Variants in ULK4 observed in about 807,000 individuals in gnomAD.
ULK4 encodes the protein inactive serine/threonine-protein kinase ULK4.
Under a neutral mutation model 160.6 loss-of-function variants are expected in ULK4, and 133 were observed. The observed-to-expected ratio is 0.83, with a 90% CI of 0.72 to 0.96. ULK4 has a LOEUF of 0.96. Ranked by LOEUF, ULK4 falls within the 40% of genes least tolerant of loss-of-function variation. The pLI is 0.00. For synonymous variants in ULK4, 534 were observed against 539.8 expected, an observed-to-expected ratio of 0.99 and a Z score of 0.15; for missense variants, 1,580 against 1,499.5, an observed-to-expected ratio of 1.05 and a Z score of -0.89.
chr3:41,561,018 CTTATT>C (rs1449412344), intron 32 of ULK4, among the ~76,000 whole-genome samples: 3 of 152,076 alleles, frequency 2.0e-5, no homozygotes, highest in African/African-American at 7.2e-5. Flanking sequence ...AATAGCTCTT[CTTATT>C]TTGAGATACG....
chr3:41,864,476 C>T (rs931436421), intron 17 of ULK4, among the ~76,000 whole-genome samples: 1 of 152,118 alleles, frequency 6.6e-6, no homozygotes, highest in Non-Finnish European at 1.5e-5. Context: ...GGTGCTTTTA[C>T]TGTGTAGATA....
At chr3:41,437,473 G>A (rs1005308641) in intron 34 of ULK4, among the ~76,000 whole-genome samples, 2 of 152,202 alleles carry the variant, frequency 1.3e-5, no homozygotes, top group South Asian at 2.1e-4. Context: ...GGTATCTCTG[G>A]TGTGTAAACA....
At chr3:41,356,250 T>C (rs1039229915) in intron 35 of ULK4, among the ~76,000 whole-genome samples, 2 of 152,180 alleles carry the variant, frequency 1.3e-5, no homozygotes. Context: ...GTCCTATTAA[T>C]ATGAGATTGA....
chr3:41,652,750 T>C (rs377363711), intron 30 of ULK4, among the ~76,000 whole-genome samples: 4 of 152,150 alleles, frequency 2.6e-5, no homozygotes, highest in East Asian at 1.9e-4. Flanking sequence ...TGTTGAGAAA[T>C]TGGACTGTTC....
At chr3:41,528,893 G>C (rs559003271) in intron 32 of ULK4, among the ~76,000 whole-genome samples, 1 of 152,232 alleles carries the variant, frequency 6.6e-6, no homozygotes, top group South Asian at 2.1e-4. Flanking sequence ...CTTAATACCT[G>C]GGTGATGAAA....
chr3:41,534,699 A>T (rs1490522712), intron 32 of ULK4, among the ~76,000 whole-genome samples: 3 of 152,126 alleles, frequency 2.0e-5, no homozygotes, highest in African/African-American at 7.2e-5. Context: ...GCCACTGATC[A>T]TAAGGACCAT....
chr3:41,949,049 G>A (rs1023151629), intron 2 of ULK4, among the ~76,000 whole-genome samples: 2 of 152,124 alleles, frequency 1.3e-5, no homozygotes, highest in African/African-American at 2.4e-5. Flanking sequence ...GTTCAGGCCC[G>A]TAATCCCAGC....
intron 34 of ULK4, among the ~76,000 whole-genome samples, chr3:41,413,361 A>T (rs1243497191): frequency 2.6e-5 from 4 of 152,204 alleles, no homozygotes; most frequent in Non-Finnish European, 5.9e-5. Flanking sequence ...AATTTCTAAG[A>T]GAAAACATGG....
At chr3:41,564,479 A>T (rs2087718877) in intron 32 of ULK4, among the ~76,000 whole-genome samples, 1 of 96,538 alleles carries the variant, frequency 1.0e-5, no homozygotes, top group Admixed American at 1.5e-4. Flanking sequence ...TTTTTTTGAG[A>T]CAGTGTCTCA....
intron 17 of ULK4, among the ~76,000 whole-genome samples, chr3:41,866,535 C>T (rs950081377): frequency 6.6e-6 from 1 of 152,202 alleles, no homozygotes; most frequent in African/African-American, 2.4e-5. Context: ...GCATCTAATG[C>T]CACTGCTGAT....
At chr3:41,566,236 T>G in intron 31 of ULK4, 106 bp from the exon 32 acceptor site, 3 of 912,398 alleles carry the variant, frequency 3.3e-6, no homozygotes, top group Non-Finnish European at 5.0e-6. Flanking sequence ...TGCACAAGGT[T>G]AAATGATTAC....
At chr3:41,864,054 A>T (rs1248783288) in intron 17 of ULK4, among the ~76,000 whole-genome samples, 1 of 152,030 alleles carries the variant, frequency 6.6e-6, no homozygotes, top group Non-Finnish European at 1.5e-5. Flanking sequence ...CTGCCTTTCA[A>T]AGGCAGTCTT....
At chr3:41,333,249 T>C (rs1222406648) in intron 35 of ULK4, among the ~76,000 whole-genome samples, 2 of 152,222 alleles carry the variant, frequency 1.3e-5, no homozygotes, top group Non-Finnish European at 2.9e-5. Flanking sequence ...AAGTTAATGT[T>C]ATGACAGCAA....
chr3:41,876,394 T>A (rs1370324690), intron 17 of ULK4, among the ~76,000 whole-genome samples: 1 of 152,234 alleles, frequency 6.6e-6, no homozygotes, highest in African/African-American at 2.4e-5. Flanking sequence ...TGGTAAATAC[T>A]TATTTAACAT....
At chr3:41,959,671 C>G (rs1700606014) in intron 1 of ULK4, among the ~76,000 whole-genome samples, 1 of 152,082 alleles carries the variant, frequency 6.6e-6, no homozygotes, top group Non-Finnish European at 1.5e-5. Flanking sequence ...TAGCACAGTG[C>G]CTCATGTCTG....
At chr3:41,294,092 A>G (rs1242419814) in intron 35 of ULK4, among the ~76,000 whole-genome samples, 1 of 152,194 alleles carries the variant, frequency 6.6e-6, no homozygotes, top group African/African-American at 2.4e-5. Context: ...GTGTCCCCCA[A>G]AATACGTGTT....
intron 32 of ULK4, among the ~76,000 whole-genome samples, chr3:41,537,192 A>T (rs1575377527): frequency 2.0e-5 from 3 of 149,096 alleles, no homozygotes; most frequent in African/African-American, 2.5e-5. Flanking sequence ...ACCCCCAACC[A>T]TTTTTTTTTT....
At chr3:41,748,986 TA>T (rs1488087528) in intron 22 of ULK4, among the ~76,000 whole-genome samples, 1 of 152,206 alleles carries the variant, frequency 6.6e-6, no homozygotes, top group East Asian at 1.9e-4. Context: ...CCATCCCGGC[TA>T]TTCAAACACT....
intron 31 of ULK4, among the ~76,000 whole-genome samples, chr3:41,575,402 G>A (rs2088153840): frequency 6.6e-6 from 1 of 152,100 alleles, no homozygotes; most frequent in Non-Finnish European, 1.5e-5. Flanking sequence ...AGCAGGCTCT[G>A]ACAGGGGCTG....
Sources: allele counts gnomAD v4.1 joint callset (sites outside exome capture counted in the v4.1 genomes callset), GRCh38; gene constraint gnomAD v4.1.1; transcripts MANE v1.5; gene names NCBI Gene and HGNC (gene_info 2026-07-23, HGNC 2026-07-21).